Variants in TNNI3K observed in about 807,000 individuals in gnomAD.
TNNI3K encodes the protein TNNI3 interacting kinase, also known as serine/threonine-protein kinase TNNI3K.
TNNI3K carries 140 observed loss-of-function variants against 114.5 expected under a neutral mutation model. The ratio of observed to expected loss-of-function variants is 1.22; its 90% CI spans 1.07 to 1.41. TNNI3K has a LOEUF of 1.41. TNNI3K is among the 40% of genes most tolerant of loss of function. TNNI3K has a pLI of 0.00. For synonymous variants in TNNI3K, 347 were observed against 347.5 expected, an observed-to-expected ratio of 1.00 and a Z score of 0.02; for missense variants, 1,125 against 1,007.6, an observed-to-expected ratio of 1.12 and a Z score of -1.58.
intron 5 of TNNI3K, among the ~76,000 whole-genome samples, chr1:74,322,289 A>T (rs1659653743): frequency 6.6e-6 from 1 of 152,174 alleles, no homozygotes; most frequent in African/African-American, 2.4e-5. Flanking sequence ...TAATTAAGAG[A>T]CAAAAATTCA....
chr1:74,463,652 C>G, intron 21 of TNNI3K, 102 bp downstream of exon 21: 2 of 1,331,986 alleles, frequency 1.5e-6, no homozygotes, highest in South Asian at 1.3e-5. Flanking sequence ...TTAAGACTGT[C>G]AAGGCGGGAA....
chr1:74,497,984 TTTTG>T (rs1034612222), intron 23 of TNNI3K, among the ~76,000 whole-genome samples: 17 of 152,228 alleles, frequency 1.1e-4, no homozygotes, highest in East Asian at 5.8e-4. Context: ...TGGGAGGCTT[TTTTG>T]TTTGTTTGTT....
intron 24 of TNNI3K, among the ~76,000 whole-genome samples, chr1:74,542,865 G>A (rs1342946121): frequency 6.6e-6 from 1 of 152,066 alleles, no homozygotes; most frequent in Non-Finnish European, 1.5e-5. Context: ...CTTGGACAGT[G>A]GCCTGATCCT....
At chr1:74,238,417 T>C (rs1653989039) in intron 2 of TNNI3K, among the ~76,000 whole-genome samples, 1 of 151,880 alleles carries the variant, frequency 6.6e-6, no homozygotes, top group Admixed American at 6.6e-5. Context: ...ATAGTAAGCA[T>C]TGAGTAGTTG....
chr1:74,423,267 T>A (rs1272147053), intron 17 of TNNI3K, among the ~76,000 whole-genome samples: 4 of 152,032 alleles, frequency 2.6e-5, no homozygotes, highest in Non-Finnish European at 5.9e-5. Context: ...ATCATCATTT[T>A]TTTGTGCCCT....
At chr1:74,427,570 G>C (rs1430354167) in intron 17 of TNNI3K, among the ~76,000 whole-genome samples, 2 of 151,930 alleles carry the variant, frequency 1.3e-5, no homozygotes, top group African/African-American at 4.8e-5. Flanking sequence ...AAGAAAAATT[G>C]CCAATTTTGT....
chr1:74,471,025 G>A (rs1321383878), intron 21 of TNNI3K: 1 of 400,600 alleles, frequency 2.5e-6, no homozygotes, highest in Non-Finnish European at 4.4e-6. Context: ...TTCAAGCTGA[G>A]TTGCATCTTC....
At chr1:74,326,183 G>T (rs561255267) in intron 5 of TNNI3K, among the ~76,000 whole-genome samples, 9 of 152,192 alleles carry the variant, frequency 5.9e-5, no homozygotes, top group East Asian at 1.9e-4. Flanking sequence ...TTTATTGAAA[G>T]TCTGCTAGGT....
chr1:74,501,771 G>A (rs1450784005), intron 23 of TNNI3K, among the ~76,000 whole-genome samples: 1 of 152,072 alleles, frequency 6.6e-6, no homozygotes, highest in African/African-American at 2.4e-5. Flanking sequence ...ACAAGCATGA[G>A]CCACCGCATC....
intron 5 of TNNI3K, among the ~76,000 whole-genome samples, chr1:74,304,572 A>T (rs1658512769): frequency 1.3e-5 from 2 of 152,110 alleles, no homozygotes; most frequent in Admixed American, 6.6e-5. Flanking sequence ...CTTCCAGAGT[A>T]GCTAGGACTA....
At chr1:74,310,447 T>C (rs1164415558) in intron 5 of TNNI3K, among the ~76,000 whole-genome samples, 4 of 152,292 alleles carry the variant, frequency 2.6e-5, no homozygotes, top group East Asian at 1.9e-4. Context: ...AATGTCATTT[T>C]TCACAGAAGT....
At position 74,342,179 on chromosome 1, in the gene TNNI3K, G is replaced by A. The variant is rs560607675; in HGVS notation, c.683-663G>A. Among the ~76,000 whole-genome samples, 14 of 152,220 alleles carry A rather than the reference G, an allele frequency of 9.2e-5. 1 individual carries two copies. In the South Asian group the frequency reaches 2.1e-3, roughly 23 times the overall value. Reference sequence around the variant, plus strand: ...TTGCAGTATACGGAATTACCCAGACGTGAGAAGAGGTTATAAGGCTGGGTG... The same window carrying A: ...TTGCAGTATACGGAATTACCCAGACATGAGAAGAGGTTATAAGGCTGGGTG... On this transcript the variant is annotated intron_variant, in intron 7 of 24. Coordinates refer to ENST00000326637, the MANE Select transcript of TNNI3K (RefSeq NM_015978.3).
At chr1:74,284,720 C>G (rs920018211) in intron 5 of TNNI3K, among the ~76,000 whole-genome samples, 1 of 152,160 alleles carries the variant, frequency 6.6e-6, no homozygotes. Context: ...CCCATTTATG[C>G]CAGAGGTTGC....
chr1:74,382,463 G>C (rs1663252159), intron 17 of TNNI3K, among the ~76,000 whole-genome samples: 2 of 152,148 alleles, frequency 1.3e-5, no homozygotes, highest in South Asian at 4.1e-4. Context: ...GATTCATTTT[G>C]TATCCAGCTG....
intron 4 of TNNI3K, among the ~76,000 whole-genome samples, chr1:74,258,302 C>G (rs1458654487): frequency 6.6e-6 from 1 of 152,166 alleles, no homozygotes; most frequent in Non-Finnish European, 1.5e-5. Context: ...GGTTACCCTG[C>G]TCCACAAATA....
Position 74,469,884 on chromosome 1 carries a change from T to G in TNNI3K, c.2121+6334T>G, listed in dbSNP as rs1471277884. ...TTGAGTTATTTTGTTCACTTTATTC[T>G]GTTTCTAAAGGTGATGTAGTAGCAT... is the stretch of plus-strand genomic sequence containing the variant. On this transcript the variant is annotated intron_variant, in intron 21 of 24. Coordinates refer to ENST00000326637, the MANE Select transcript of TNNI3K (RefSeq NM_015978.3). 5 of 400,584 alleles carry G rather than the reference T, an allele frequency of 1.2e-5. No homozygotes were observed. In the South Asian group the frequency reaches 3.8e-4, roughly 30 times the overall value. 24.8% of individuals were successfully genotyped at this position (400,584 alleles called of 1,614,324 possible). A position where few individuals can be genotyped will look rare whatever the true frequency, so the allele number is the denominator to read the frequency against.
At chr1:74,253,888 G>A (rs1655116849) in intron 4 of TNNI3K, among the ~76,000 whole-genome samples, 1 of 152,198 alleles carries the variant, frequency 6.6e-6, no homozygotes, top group Non-Finnish European at 1.5e-5. Context: ...GGCTGCAAGA[G>A]CTGCCAGCAC....
At chr1:74,375,629 G>C in intron 17 of TNNI3K, 1 of 453,932 alleles carries the variant, frequency 2.2e-6, no homozygotes, top group Non-Finnish European at 4.4e-6. Context: ...TGGTCTCCTG[G>C]CCCCAGGAGA....
chr1:74,249,437 A>C, intron 2 of TNNI3K, 22 bp from the exon 3 acceptor site: 1 of 1,601,266 alleles, frequency 6.2e-7, no homozygotes, highest in Non-Finnish European at 8.5e-7. Flanking sequence ...TTTTGTGATC[A>C]TCTGTAACAT....
Sources: allele counts gnomAD v4.1 joint callset (sites outside exome capture counted in the v4.1 genomes callset), GRCh38; gene constraint gnomAD v4.1.1; transcripts MANE v1.5; gene names NCBI Gene and HGNC (gene_info 2026-07-23, HGNC 2026-07-21).